The following RABGAP1L variants were observed in gnomAD, a reference collection of about 807,000 sequenced individuals.
RABGAP1L encodes RAB GTPase activating protein 1 like, also known as rab GTPase-activating protein 1-like.
In RABGAP1L, 63 loss-of-function variants were observed where a neutral mutation model predicts 137.7. That is an observed-to-expected ratio of 0.46 (90% CI 0.37 to 0.56). The LOEUF is 0.56. Ranked by LOEUF, RABGAP1L falls within the 20% of genes least tolerant of loss-of-function variation. The pLI is 0.00. For missense variants in RABGAP1L, 1,095 were observed against 1,244.0 expected (o/e 0.88, Z 1.80); for synonymous variants, 431 against 433.7 (o/e 0.99, Z 0.08).
Position 174,868,991 on chromosome 1 carries a change from C to CA in RABGAP1L, c.2340+57031_2340+57032insA, listed in dbSNP as rs1573586658. Reference sequence around the variant, plus strand: ...TTCATCTCTCCTGGACAAGGAAATACGAAAAAAAAAAATGGAGGCATTGGT... The same window carrying CA: ...TTCATCTCTCCTGGACAAGGAAATACAGAAAAAAAAAAATGGAGGCATTGGT... On this transcript the variant is annotated intron_variant, in intron 19 of 25. Transcript: ENST00000681986. 1.4e-4 allele frequency among the ~76,000 whole-genome samples: 21 copies of CA among 149,410 alleles called. 1 individual carries two copies. The East Asian group carries it at 4.1e-3, about 29-fold the overall frequency.
chr1:174,411,885 G>A (rs1414409850), intron 13 of RABGAP1L, among the ~76,000 whole-genome samples: 1 of 152,048 alleles, frequency 6.6e-6, no homozygotes, highest in African/African-American at 2.4e-5. Flanking sequence ...ATTGAGACTT[G>A]CATTGTGGCT....
chr1:174,538,976 G>C (rs144554485), intron 13 of RABGAP1L, among the ~76,000 whole-genome samples: 6 of 152,240 alleles, frequency 3.9e-5, no homozygotes, highest in Admixed American at 1.3e-4. Context: ...AGGCACTAGA[G>C]ATAGACTGCC....
intron 18 of RABGAP1L, among the ~76,000 whole-genome samples, chr1:174,776,942 G>T (rs1221581613): frequency 6.6e-6 from 1 of 152,194 alleles, no homozygotes; most frequent in East Asian, 1.9e-4. Flanking sequence ...TGTAGACCAT[G>T]TTCTCTGAAG....
In RABGAP1L at chr1:174,420,035, A is replaced by G. The variant is rs182312176; in HGVS notation, c.1710+25890A>G. On this transcript the variant is annotated intron_variant, in intron 13 of 25. Coordinates refer to ENST00000681986, the MANE Select transcript of RABGAP1L (RefSeq NM_001366446.1). ...TTCAACACAGTTAAAACCATAATAC[A>G]TTTTACTTCCCAGGAAGAAAAGTTT... is the stretch of plus-strand genomic sequence containing the variant. Among the ~76,000 whole-genome samples, 20 of 152,206 alleles carry G rather than the reference A, an allele frequency of 1.3e-4. No individual in the cohort carries two copies. In the East Asian group the frequency reaches 3.9e-3, roughly 29 times the overall value.
intron 13 of RABGAP1L, among the ~76,000 whole-genome samples, chr1:174,619,184 G>A (rs1406815335): frequency 1.3e-5 from 2 of 152,164 alleles, no homozygotes; most frequent in African/African-American, 4.8e-5. Context: ...TGAAAGCGAC[G>A]GGGAGAATGG....
intron 19 of RABGAP1L, among the ~76,000 whole-genome samples, chr1:174,824,196 A>C: frequency 6.6e-6 from 1 of 152,172 alleles, no homozygotes; most frequent in East Asian, 1.9e-4. Flanking sequence ...AGGCTGGGGC[A>C]AGAGAGTCTC....
chr1:174,751,496 C>T (rs1053043375), intron 17 of RABGAP1L, among the ~76,000 whole-genome samples: 2 of 152,140 alleles, frequency 1.3e-5, no homozygotes, highest in African/African-American at 4.8e-5. Context: ...TATCTTTTTT[C>T]TTATGTATGA....
At chr1:174,722,447 G>T (rs372641194) in intron 17 of RABGAP1L, among the ~76,000 whole-genome samples, 1 of 151,138 alleles carries the variant, frequency 6.6e-6, no homozygotes, top group African/African-American at 2.4e-5. Flanking sequence ...CTTTTTTATC[G>T]CAAGCTTCTT....
In RABGAP1L at chr1:174,968,303, A is replaced by G. The variant is rs141294899; in HGVS notation, c.2434-974A>G. Among the ~76,000 whole-genome samples, 429 of 152,336 alleles carry G rather than the reference A, an allele frequency of 2.8e-3. 1 individual carries two copies. Among genetic ancestry groups the G allele is most frequent in the Non-Finnish European group, 5.0e-3 (342 of 68,020 alleles). ...TGTTAGACGTGTAAATCTGAAAAAC[A>G]GGAAGGTCTCATGACATTAGTCTTT... On this transcript the variant is annotated intron_variant, in intron 20 of 25. Transcript: ENST00000681986.
chr1:174,319,374 A>G (rs982704885), intron 11 of RABGAP1L, among the ~76,000 whole-genome samples: 2 of 152,134 alleles, frequency 1.3e-5, no homozygotes, highest in African/African-American at 4.8e-5. Flanking sequence ...CGTCTTGTAT[A>G]TTGACTTTGT....
chr1:174,378,250 G>C (rs992650756), intron 12 of RABGAP1L, among the ~76,000 whole-genome samples: 1 of 151,554 alleles, frequency 6.6e-6, no homozygotes, highest in South Asian at 2.1e-4. Context: ...AAACATACGT[G>C]TGTATGTGTC....
chr1:174,854,885 G>A (rs1055415622), intron 19 of RABGAP1L, among the ~76,000 whole-genome samples: 1 of 151,248 alleles, frequency 6.6e-6, no homozygotes, highest in African/African-American at 2.4e-5. Context: ...TTACAGGCAC[G>A]TACCACCGCA....
intron 13 of RABGAP1L, among the ~76,000 whole-genome samples, chr1:174,614,636 T>C (rs1228901418): frequency 6.6e-6 from 1 of 152,346 alleles, no homozygotes; most frequent in South Asian, 2.1e-4. Context: ...CCTTGCTAGA[T>C]TGGGGAAGTT....
At chr1:174,750,573 G>A (rs1684272258) in intron 17 of RABGAP1L, among the ~76,000 whole-genome samples, 1 of 152,152 alleles carries the variant, frequency 6.6e-6, no homozygotes. Context: ...TGACAGGGAG[G>A]TTAAGAATAC....
intron 13 of RABGAP1L, among the ~76,000 whole-genome samples, chr1:174,542,809 G>T (rs1427845415): frequency 1.3e-5 from 2 of 152,150 alleles, no homozygotes; most frequent in Admixed American, 1.3e-4. Context: ...GTTCTCATTG[G>T]TTTCAAAGTA....
intron 18 of RABGAP1L, among the ~76,000 whole-genome samples, chr1:174,763,507 C>T (rs1398303653): frequency 2.0e-5 from 3 of 151,292 alleles, no homozygotes; most frequent in African/African-American, 4.9e-5. Context: ...AAAAATTAGC[C>T]GGGCGTGGTA....
At chr1:174,624,271 C>T (rs1305083596) in intron 13 of RABGAP1L, among the ~76,000 whole-genome samples, 1 of 152,200 alleles carries the variant, frequency 6.6e-6, no homozygotes, top group Non-Finnish European at 1.5e-5. Context: ...CCACTTTCAC[C>T]ACTTTACCAC....
intron 13 of RABGAP1L, among the ~76,000 whole-genome samples, chr1:174,398,114 G>T (rs959644525): frequency 2.0e-5 from 3 of 152,086 alleles, no homozygotes; most frequent in African/African-American, 7.2e-5. Context: ...ATCCTCAAGG[G>T]CTCATTACCT....
chr1:174,947,867 A>C (rs1223979726), intron 19 of RABGAP1L, among the ~76,000 whole-genome samples: 1 of 152,196 alleles, frequency 6.6e-6, no homozygotes, highest in Non-Finnish European at 1.5e-5. Context: ...AGATTCTTGA[A>C]ATATTTTGGG....
Sources: gnomAD v4.1 joint callset for allele counts (sites outside exome capture counted in the v4.1 genomes callset) on GRCh38, gnomAD v4.1.1 for gene constraint, MANE v1.5 for transcripts, NCBI Gene and HGNC (gene_info 2026-07-23, HGNC 2026-07-21) for gene names.